The following CHST1 variants were observed in gnomAD, a reference collection of about 807,000 sequenced individuals.
The protein encoded by CHST1 is carbohydrate sulfotransferase 1, also known as Keratan sulfotransferase.
CHST1 carries 10 observed loss-of-function variants against 22.5 expected under a neutral mutation model. The ratio of observed to expected loss-of-function variants is 0.44; its 90% confidence interval spans 0.27 to 0.75. CHST1 has a LOEUF of 0.75. Ranked by LOEUF, CHST1 falls within the 30% of genes least tolerant of loss-of-function variation. CHST1 has a pLI of 0.15. For missense variants in CHST1, 439 were observed against 576.1 expected, an observed-to-expected ratio of 0.76 and a Z score of 2.44; for synonymous variants, 267 against 264.5, an observed-to-expected ratio of 1.01 and a Z score of -0.09.
chr11:45,660,444 G>T (rs1852116724), intron 1 of CHST1, among the ~76,000 whole-genome samples: 1 of 152,152 alleles, frequency 6.6e-6, no homozygotes, highest in Non-Finnish European at 1.5e-5. Context: ...TGTCTTAAAT[G>T]GCTAGGAGCA....
chr11:45,655,921 A>T (rs2120337150), intron 1 of CHST1, among the ~76,000 whole-genome samples: 1 of 152,360 alleles, frequency 6.6e-6, no homozygotes, highest in South Asian at 2.1e-4. Context: ...CCCACACAGC[A>T]GACAGGGGGA....
chr11:45,660,535 G>A (rs908451258), intron 1 of CHST1, among the ~76,000 whole-genome samples: 2 of 152,186 alleles, frequency 1.3e-5, no homozygotes, highest in African/African-American at 4.8e-5. Flanking sequence ...CAGGTACTCA[G>A]GTGAAGGGAG....
chr11:45,647,721 T>C lies in CHST1; in HGVS notation c.*1967A>G, dbSNP rs1428668006. Among the ~76,000 whole-genome samples the C allele has an allele frequency of 6.6e-6, 1 of 152,224 alleles. No individual in the cohort carries two copies. Among genetic ancestry groups the C allele is most frequent in the Non-Finnish European group, 1.5e-5 (1 of 68,038 alleles). The stretch of plus-strand genomic sequence containing the variant: ...ACACGTTGTGAATGTATTTAATGAA[T>C]GGTACACCTTAAAAAGGTTAAGATG... On this transcript the variant is annotated 3_prime_UTR_variant, in exon 4 of 4. Coordinates refer to ENST00000308064, the MANE Select transcript of CHST1 (RefSeq NM_003654.6).
At chr11:45,664,045 G>T (rs1565002161) in intron 1 of CHST1, among the ~76,000 whole-genome samples, 1 of 152,178 alleles carries the variant, frequency 6.6e-6, no homozygotes, top group Non-Finnish European at 1.5e-5. Context: ...ACTGCAAGGG[G>T]CTGAGGAACC....
chr11:45,660,282 G>A (rs534158212), intron 1 of CHST1, among the ~76,000 whole-genome samples: 5 of 152,290 alleles, frequency 3.3e-5, no homozygotes, highest in Non-Finnish European at 5.9e-5. Context: ...GAGAACGAAC[G>A]GATTTCAGGC....
In CHST1 at chr11:45,650,388, C is replaced by T. The variant is rs1851978248; in HGVS notation, c.536G>A (p.Gly179Glu). 1 of 1,604,632 alleles carries T rather than the reference C, an allele frequency of 6.2e-7. No individual in the cohort carries two copies. The change falls in exon 4 of 4, where the codon GGG becomes GAG. Residue 179 changes from glycine to glutamate, a missense_variant. Physicochemically the swap from Gly to Glu is moderately conservative, Grantham distance 98 (BLOSUM62 -2). Transcript: ENST00000308064. Reference protein sequence around the residue: ...PGPADLVLEEGDCVRKCGLLN... With the variant: ...PGPADLVLEEEDCVRKCGLLN... The stretch of plus-strand genomic sequence containing the variant: ...TAGCCCGCACTTGCGCACACAGTCC[C>T]CCTCCTCCAGGACCAGGTCGGCTGG...
rs192391384 is a variant in CHST1, at chr11:45,658,644, C to G, written c.-226-6038G>C. Reference sequence around the variant, plus strand: ...AGAGTGACTGACCTCCTGGCCACAACACAAGGCCCCAGTGTGCCCAGCTCC... The same window carrying G: ...AGAGTGACTGACCTCCTGGCCACAAGACAAGGCCCCAGTGTGCCCAGCTCC... On this transcript the variant is annotated intron_variant, in intron 1 of 3. Coordinates refer to ENST00000308064, the MANE Select transcript of CHST1 (RefSeq NM_003654.6). 8.1e-3 allele frequency among the ~76,000 whole-genome samples: 1,226 copies of G among 152,218 alleles called. 13 individuals are homozygous for G. Among genetic ancestry groups the G allele is most frequent in the African/African-American group, 0.028 (1,158 of 41,540 alleles).
rs1457622683 is a variant in CHST1, at chr11:45,665,374, C to T, written c.-423G>A. 6.6e-6 allele frequency: 1 copy of T among 151,776 alleles called. No individual in the cohort carries two copies. The highest frequency in any genetic ancestry group is 2.4e-5 in the African/African-American group (1 of 41,398). The allele number at this position is 151,776 out of a possible 1,614,324, so 9.4% of individuals were successfully genotyped here. A position where few individuals can be genotyped will look rare whatever the true frequency, so the allele number is the denominator to read the frequency against. On this transcript the variant is annotated 5_prime_UTR_variant, in exon 1 of 4. Coordinates refer to ENST00000308064, the MANE Select transcript of CHST1 (RefSeq NM_003654.6). This position sits in a 1 kb window ranked among gnomAD's most constrained non-coding sequence, Gnocchi z 4.0. The stretch of plus-strand genomic sequence containing the variant: ...GACTCCGCGCGCGCCTCACGGGCCC[C>T]TCTTCATGGCCCGGGGGCGCGAGCC...
Position 45,650,959 on chromosome 11 carries a change from G to A in CHST1, c.-36C>T, listed in dbSNP as rs1440753573. 7.3e-6 allele frequency: 11 copies of A among 1,515,204 alleles called. No individual in the cohort carries two copies. Among genetic ancestry groups the A allele is most frequent in the African/African-American group, 1.4e-5 (1 of 71,744 alleles). 93.9% of individuals were successfully genotyped at this position (1,515,204 alleles called of 1,614,324 possible). A position where few individuals can be genotyped will look rare whatever the true frequency, so the allele number is the denominator to read the frequency against. On this transcript the variant is annotated 5_prime_UTR_variant, in exon 4 of 4. Coordinates refer to ENST00000308064, the MANE Select transcript of CHST1 (RefSeq NM_003654.6). ...CTTCATGGGGCTGCTTCTCCAAGGG[G>A]TGAGGTCTGTGGGCAAAGGCGGCCA...
intron 1 of CHST1, among the ~76,000 whole-genome samples, chr11:45,660,672 CGTCT>C (rs1042958394): frequency 3.3e-5 from 5 of 152,200 alleles, no homozygotes; most frequent in Admixed American, 2.6e-4. Flanking sequence ...GCAGCAGGCT[CGTCT>C]GTCTGTTTCA....
rs765510016 is a variant in CHST1, at chr11:45,650,505, T to C, written c.419A>G (p.Lys140Arg). Residue 140 changes from lysine (K) to arginine (R), a missense_variant, in exon 4 of 4, where the codon AAG becomes AGG. By Grantham distance (26) the Lys-to-Arg change is conservative. Transcript: ENST00000308064. ...GGTGGTGTGGTTGACCGGCGGCGGC[T>C]TGATGTAGTTCTCCAGGAAGTAGAG... ...CDLYFLENYI[K>R]PPPVNHTTDR... The C allele has an allele frequency of 3.3e-5, 53 of 1,613,536 alleles. No homozygotes were observed. The highest frequency in any genetic ancestry group is 1.0e-4 in the Admixed American group (6 of 60,004).
intron 1 of CHST1, among the ~76,000 whole-genome samples, chr11:45,663,902 T>C (rs1007999093): frequency 1.3e-5 from 2 of 152,130 alleles, no homozygotes; most frequent in Non-Finnish European, 2.9e-5. Context: ...ATGTGATGTG[T>C]GAGTCATGAC....
In CHST1 at chr11:45,650,640, T is replaced by G; in HGVS notation, c.284A>C (p.His95Pro). The change falls in exon 4 of 4, where the codon CAC (histidine) becomes CCC (proline). Residue 95 changes from histidine (H) to proline (P), a missense_variant. By Grantham distance (77) the His-to-Pro change is moderately conservative. Transcript: ENST00000308064. The stretch of plus-strand genomic sequence containing the variant: ...GCGGGGGATGAGCGTGTTCTGGACG[T>G]GGTAGAGGGGCTCAAACAGGTAGAA... ...DVFYLFEPLY[H>P]VQNTLIPRFT... The G allele has an allele frequency of 6.2e-7, 1 of 1,614,026 alleles. No individual in the cohort carries two copies. The highest frequency in any genetic ancestry group is 1.7e-4 in the Middle Eastern group (1 of 6,060).
chr11:45,654,469 C>T (rs999850148), intron 1 of CHST1, among the ~76,000 whole-genome samples: 4 of 152,256 alleles, frequency 2.6e-5, no homozygotes, highest in Non-Finnish European at 1.5e-5. Context: ...TGTCCCCGCT[C>T]TCCCAGCCTG....
chr11:45,649,457 G>GTC lies in CHST1; in HGVS notation c.*230_*231insGA. The GTC allele has an allele frequency of 1.9e-6, 1 of 527,638 alleles. No homozygotes were observed. Among genetic ancestry groups the GTC allele is most frequent in the East Asian group, 3.1e-5 (1 of 32,558 alleles). The allele number at this position is 527,638 out of a possible 1,614,324, so 32.7% of individuals were successfully genotyped here. A position where few individuals can be genotyped will look rare whatever the true frequency, so the allele number is the denominator to read the frequency against. ...AACATCCATGTGTCTGAATGGGGGGGGGGGGGGCGGGACCCTACTTCAGGC... is the reference window on the plus strand; with the variant it reads ...AACATCCATGTGTCTGAATGGGGGGGTCGGGGGGGCGGGACCCTACTTCAGGC... On this transcript the variant is annotated 3_prime_UTR_variant, in exon 4 of 4. Transcript: ENST00000308064.
chr11:45,664,774 G>A (rs45476394), intron 1 of CHST1, among the ~76,000 whole-genome samples: 4 of 152,208 alleles, frequency 2.6e-5, no homozygotes, highest in Non-Finnish European at 5.9e-5. Flanking sequence ...GCTGGGTTTG[G>A]AAAGTTGGTG....
chr11:45,654,924 C>A (rs1057071319), intron 1 of CHST1, among the ~76,000 whole-genome samples: 1 of 152,200 alleles, frequency 6.6e-6, no homozygotes, highest in African/African-American at 2.4e-5. Context: ...TGTCACTCAG[C>A]AGGTGTGTGG....
intron 1 of CHST1, among the ~76,000 whole-genome samples, chr11:45,654,828 G>A (rs999884575): frequency 2.6e-5 from 4 of 152,228 alleles, no homozygotes; most frequent in African/African-American, 9.6e-5. Context: ...CTTGAGATGA[G>A]GGCACAGACT....
Position 45,649,961 on chromosome 11 carries a change from G to T in CHST1, c.963C>A (p.Gly321=). Residue 321 remains glycine (G), a synonymous_variant, in exon 4 of 4, where the codon GGC becomes GGA. Transcript: ENST00000308064. The part of the protein sequence containing the change: ...KKTEEIYGFL[G]IPLDSHVARW... ...GGGCCACGTGGCTGTCCAGCGGGAT[G>T]CCCAGGAACCCGTAGATCTCCTCGG... is the stretch of plus-strand genomic sequence containing the variant. 6.2e-7 allele frequency: 1 copy of T among 1,613,480 alleles called. No individual in the cohort carries two copies.
Sources: gnomAD v4.1 joint callset for allele counts (sites outside exome capture counted in the v4.1 genomes callset) on GRCh38, gnomAD v4.1.1 for gene constraint, Gnocchi (gnomAD v3.1) non-coding constraint, MANE v1.5 for transcripts, NCBI Gene and HGNC (gene_info 2026-07-23, HGNC 2026-07-21) for gene names.